KCNQ3: variants seen among roughly 807,000 people sequenced by gnomAD.
KCNQ3 encodes potassium voltage-gated channel subfamily KQT member 3.
Under a neutral mutation model 92.5 loss-of-function variants are expected in KCNQ3, and 30 were observed. The ratio of observed to expected loss-of-function variants is 0.32; its 90% confidence interval spans 0.24 to 0.44. KCNQ3 has a LOEUF of 0.44. Among genes scored for constraint, KCNQ3 ranks in the 20% least tolerant of loss-of-function variants. KCNQ3 has a pLI of 1.00. For missense variants in KCNQ3, 913 were observed against 1,140.3 expected (o/e 0.80, Z 2.87); for synonymous variants, 450 against 468.8 (o/e 0.96, Z 0.52).
intron 1 of KCNQ3, among the ~76,000 whole-genome samples, chr8:132,372,150 C>CCTTT (rs1416963333): frequency 2.0e-5 from 3 of 152,122 alleles, no homozygotes; most frequent in Non-Finnish European, 2.9e-5. Context: ...CATCCGCAGC[C>CCTTT]CTTTAATGGC....
intron 1 of KCNQ3, among the ~76,000 whole-genome samples, chr8:132,418,346 C>T (rs937704295): frequency 5.9e-5 from 9 of 152,048 alleles, no homozygotes; most frequent in Admixed American, 1.3e-4. Flanking sequence ...GGCGTGCTCA[C>T]GGAAGGCTGG....
chr8:132,160,215 C>G (rs1825942227), intron 9 of KCNQ3, among the ~76,000 whole-genome samples: 1 of 152,116 alleles, frequency 6.6e-6, no homozygotes, highest in South Asian at 2.1e-4. Flanking sequence ...GATCATGCGT[C>G]CATTGTATTA....
At chr8:132,413,032 A>C (rs1379509149) in intron 1 of KCNQ3, among the ~76,000 whole-genome samples, 1 of 152,248 alleles carries the variant, frequency 6.6e-6, no homozygotes, top group Non-Finnish European at 1.5e-5. Context: ...TATTTCTTGC[A>C]TAAGTCAAAG....
intron 1 of KCNQ3, among the ~76,000 whole-genome samples, chr8:132,303,451 T>G (rs1817286775): frequency 6.7e-6 from 1 of 149,412 alleles, no homozygotes; most frequent in Non-Finnish European, 1.5e-5. Context: ...GGAGGCTTCA[T>G]GGAGAAAGGG....
chr8:132,260,751 C>T (rs1021569417), intron 1 of KCNQ3, among the ~76,000 whole-genome samples: 7 of 152,010 alleles, frequency 4.6e-5, no homozygotes, highest in African/African-American at 1.4e-4. Flanking sequence ...TTGATCCATC[C>T]AACACTCCAT....
intron 1 of KCNQ3, among the ~76,000 whole-genome samples, chr8:132,245,931 G>A (rs1277082900): frequency 6.6e-6 from 1 of 152,128 alleles, no homozygotes; most frequent in Non-Finnish European, 1.5e-5. Flanking sequence ...CAGAGTGCCT[G>A]TTACAACAAA....
intron 1 of KCNQ3, among the ~76,000 whole-genome samples, chr8:132,272,950 T>C (rs13276897): frequency 0.44 from 67,622 of 152,004 alleles, 16,978 homozygotes; most frequent in East Asian, 0.73. Context: ...GTACACAGTC[T>C]GAAGTCTCAT....
At chr8:132,276,049 C>T (rs1268430363) in intron 1 of KCNQ3, among the ~76,000 whole-genome samples, 1 of 152,236 alleles carries the variant, frequency 6.6e-6, no homozygotes, top group East Asian at 1.9e-4. Flanking sequence ...TGGGTCTTTG[C>T]ACCTCATCTG....
intron 1 of KCNQ3, among the ~76,000 whole-genome samples, chr8:132,268,498 A>G (rs1211819471): frequency 1.3e-5 from 2 of 152,098 alleles, no homozygotes; most frequent in Non-Finnish European, 2.9e-5. Flanking sequence ...ATCTCAAGTA[A>G]TCTGCCTGCC....
rs1242842554 is a variant in KCNQ3, at chr8:132,121,319, G to A, written c.*7943C>T. The A allele has an allele frequency of 6.6e-6, 1 of 152,188 alleles. No homozygotes were observed. The highest frequency in any genetic ancestry group is 1.9e-4 in the East Asian group (1 of 5,200). 9.4% of individuals were successfully genotyped at this position (152,188 alleles called of 1,614,324 possible). A position where few individuals can be genotyped will look rare whatever the true frequency, so the allele number is the denominator to read the frequency against. On this transcript the variant is annotated 3_prime_UTR_variant, in exon 15 of 15. Transcript: ENST00000388996. ...CATATCCTATCTGAAGCAAGGCAGA[G>A]ATCATTTTTCTCTTTAAAACAAGGA...
intron 1 of KCNQ3, among the ~76,000 whole-genome samples, chr8:132,375,501 G>A (rs1222243732): frequency 6.6e-6 from 1 of 152,112 alleles, no homozygotes; most frequent in Non-Finnish European, 1.5e-5. Context: ...GACTGAAAAG[G>A]GCACATGAAA....
At chr8:132,231,139 A>G (rs1428584458) in intron 1 of KCNQ3, among the ~76,000 whole-genome samples, 1 of 152,192 alleles carries the variant, frequency 6.6e-6, no homozygotes, top group African/African-American at 2.4e-5. Context: ...AAAACAGCAG[A>G]AGCTGGGAAG....
At chr8:132,334,865 G>C (rs1818322459) in intron 1 of KCNQ3, among the ~76,000 whole-genome samples, 1 of 152,004 alleles carries the variant, frequency 6.6e-6, no homozygotes, top group Non-Finnish European at 1.5e-5. Flanking sequence ...CATCCTTTCT[G>C]GCTTGGGTCA....
intron 1 of KCNQ3, among the ~76,000 whole-genome samples, chr8:132,350,821 G>A (rs1818837379): frequency 6.6e-6 from 1 of 152,158 alleles, no homozygotes; most frequent in Non-Finnish European, 1.5e-5. Flanking sequence ...AATTCTACCA[G>A]CCTTCTCTTC....
intron 1 of KCNQ3, among the ~76,000 whole-genome samples, chr8:132,201,012 A>G (rs28621496): frequency 0.012 from 1,796 of 152,318 alleles, 18 homozygotes; most frequent in South Asian, 0.041. Flanking sequence ...ATGTCATAAC[A>G]TGGCAGAAGG....
chr8:132,292,934 C>G (rs117142985), intron 1 of KCNQ3, among the ~76,000 whole-genome samples: 6 of 152,166 alleles, frequency 3.9e-5, no homozygotes, highest in African/African-American at 1.2e-4. Flanking sequence ...AATGGACAAG[C>G]CTTGCTGGTG....
chr8:132,149,764 C>A (rs1057268234), intron 9 of KCNQ3, among the ~76,000 whole-genome samples: 1 of 152,102 alleles, frequency 6.6e-6, no homozygotes, highest in Non-Finnish European at 1.5e-5. Flanking sequence ...GTAGTGTGTG[C>A]CTCATGTGTG....
At chr8:132,326,381 T>C (rs1311681613) in intron 1 of KCNQ3, among the ~76,000 whole-genome samples, 1 of 152,128 alleles carries the variant, frequency 6.6e-6, no homozygotes, top group African/African-American at 2.4e-5. Flanking sequence ...GACAAATCTT[T>C]TGAGTGTCCA....
chr8:132,182,422 T>C (rs148677601), intron 3 of KCNQ3, among the ~76,000 whole-genome samples: 57 of 152,318 alleles, frequency 3.7e-4, no homozygotes, highest in Non-Finnish European at 4.8e-4. Flanking sequence ...TGTGGAAGAA[T>C]TGGATATGAG....
Sources: allele counts gnomAD v4.1 joint callset (sites outside exome capture counted in the v4.1 genomes callset), GRCh38; gene constraint gnomAD v4.1.1; transcripts MANE v1.5; gene names NCBI Gene and HGNC (gene_info 2026-07-23, HGNC 2026-07-21).